FOXP2: variants seen among roughly 807,000 people sequenced by gnomAD.
FOXP2 encodes forkhead box protein P2.
Under a neutral mutation model 115.8 loss-of-function variants are expected in FOXP2, and 12 were observed. The observed-to-expected ratio is 0.10, with a 90% CI of 0.07 to 0.17. The LOEUF is 0.17. FOXP2 is among the 10% of genes least tolerant of loss of function. The pLI, the probability that FOXP2 is intolerant of heterozygous loss-of-function variation, is 1.00. For missense variants in FOXP2, 629 were observed against 843.5 expected (o/e 0.75, Z 3.15); for synonymous variants, 328 against 297.7 (o/e 1.10, Z -1.05).
At chr7:114,325,645 A>G (rs960322978) in intron 2 of FOXP2, among the ~76,000 whole-genome samples, 4 of 152,044 alleles carry the variant, frequency 2.6e-5, no homozygotes, top group Admixed American at 1.3e-4. Flanking sequence ...TGCTACCATT[A>G]TAATAAACAA....
intron 3 of FOXP2, among the ~76,000 whole-genome samples, chr7:114,581,214 G>A (rs1347670509): frequency 6.7e-6 from 1 of 149,956 alleles, no homozygotes; most frequent in African/African-American, 2.5e-5. Context: ...GATGCAGTCT[G>A]GCTCTGTCAC....
chr7:114,662,524 T>C (rs1389200464), intron 14 of FOXP2, among the ~76,000 whole-genome samples: 2 of 152,108 alleles, frequency 1.3e-5, no homozygotes, highest in African/African-American at 4.8e-5. Context: ...CAGTAGAAGC[T>C]AAAAGGCTTT....
chr7:114,088,199 G>GATT (rs1274040077), intron 1 of FOXP2: 2 of 150,380 alleles, frequency 1.3e-5, no homozygotes, highest in Non-Finnish European at 2.9e-5. Flanking sequence ...TGATCTTGAG[G>GATT]ATTATTCCTG....
At chr7:114,556,214 G>A (rs1444719292) in intron 3 of FOXP2, among the ~76,000 whole-genome samples, 1 of 152,160 alleles carries the variant, frequency 6.6e-6, no homozygotes, top group Non-Finnish European at 1.5e-5. Flanking sequence ...ATCAAAATGA[G>A]GAGGGGTAAG....
chr7:114,624,542 G>A (rs1483668655), intron 3 of FOXP2, among the ~76,000 whole-genome samples: 4 of 151,748 alleles, frequency 2.6e-5, no homozygotes, highest in Non-Finnish European at 4.4e-5. Context: ...ATTAAGGGAC[G>A]CACTTAATAT....
chr7:114,119,667 C>G (rs1210102406), intron 1 of FOXP2, among the ~76,000 whole-genome samples: 1 of 152,138 alleles, frequency 6.6e-6, no homozygotes, highest in East Asian at 1.9e-4. Flanking sequence ...GCCATGATTG[C>G]ACCACTGCAC....
chr7:114,346,899 GC>G (rs1275784642), intron 2 of FOXP2, among the ~76,000 whole-genome samples: 1 of 151,702 alleles, frequency 6.6e-6, no homozygotes, highest in Non-Finnish European at 1.5e-5. Context: ...TGGAAGAGAG[GC>G]TTTTGAAGGT....
intron 1 of FOXP2, among the ~76,000 whole-genome samples, chr7:114,198,183 T>C (rs1793962974): frequency 6.6e-6 from 1 of 152,158 alleles, no homozygotes; most frequent in Admixed American, 6.5e-5. Context: ...TTGTTATTCA[T>C]GTCAGCTGCC....
intron 2 of FOXP2, among the ~76,000 whole-genome samples, chr7:114,456,978 A>AAG (rs570064804): frequency 6.6e-6 from 1 of 152,098 alleles, no homozygotes. Flanking sequence ...AAAAAAGAAA[A>AAG]AGAGAGAGAG....
intron 3 of FOXP2, among the ~76,000 whole-genome samples, chr7:114,541,216 G>T (rs1403386624): frequency 6.6e-6 from 1 of 152,036 alleles, no homozygotes; most frequent in Admixed American, 6.6e-5. Flanking sequence ...GAGGGGTCAA[G>T]ACTAAAGAGA....
At chr7:114,497,394 T>C (rs1584810098) in intron 2 of FOXP2, among the ~76,000 whole-genome samples, 1 of 152,204 alleles carries the variant, frequency 6.6e-6, no homozygotes, top group Admixed American at 6.5e-5. Context: ...ACGCTTGTAA[T>C]CTGAGCACTT....
intron 3 of FOXP2, among the ~76,000 whole-genome samples, chr7:114,536,312 C>T (rs894963500): frequency 9.3e-5 from 14 of 151,300 alleles, no homozygotes; most frequent in African/African-American, 3.4e-4. Flanking sequence ...TTCTTCCTCT[C>T]CAAAGCTAAG....
intron 2 of FOXP2, among the ~76,000 whole-genome samples, chr7:114,465,673 A>G (rs917850129): frequency 1.3e-5 from 2 of 152,218 alleles, no homozygotes; most frequent in Admixed American, 6.5e-5. Flanking sequence ...GCAATTTCAG[A>G]TAGCCCAAAG....
chr7:114,338,557 G>A (rs1465821905), intron 2 of FOXP2, among the ~76,000 whole-genome samples: 1 of 150,906 alleles, frequency 6.6e-6, no homozygotes, highest in African/African-American at 2.4e-5. Context: ...CAGTACCAAT[G>A]TAAATGATAT....
intron 2 of FOXP2, among the ~76,000 whole-genome samples, chr7:114,493,108 A>G (rs1408240501): frequency 6.6e-6 from 1 of 152,178 alleles, no homozygotes; most frequent in Non-Finnish European, 1.5e-5. Flanking sequence ...TTGGGTGCGT[A>G]TACATTTAGG....
At chr7:114,352,881 T>G (rs1372462990) in intron 2 of FOXP2, among the ~76,000 whole-genome samples, 1 of 152,172 alleles carries the variant, frequency 6.6e-6, no homozygotes, top group African/African-American at 2.4e-5. Context: ...TACAGTGTTC[T>G]TCACAATATA....
chr7:114,311,063 G>C (rs1284650561), intron 2 of FOXP2, among the ~76,000 whole-genome samples: 3 of 152,116 alleles, frequency 2.0e-5, no homozygotes, highest in African/African-American at 7.2e-5. Flanking sequence ...GGAAGTTGCG[G>C]ATCACCAGTT....
chr7:114,190,027 A>G (rs1793715635), intron 1 of FOXP2, among the ~76,000 whole-genome samples: 1 of 152,196 alleles, frequency 6.6e-6, no homozygotes, highest in Admixed American at 6.5e-5. Context: ...CACTTGATGC[A>G]TTCTAGCATT....
intron 16 of FOXP2, among the ~76,000 whole-genome samples, chr7:114,685,774 A>G (rs560364790): frequency 2.6e-5 from 4 of 152,290 alleles, no homozygotes; most frequent in African/African-American, 4.8e-5. Context: ...TACTTTTCTT[A>G]TATCTGTGAT....
Sources: allele counts gnomAD v4.1 joint callset (sites outside exome capture counted in the v4.1 genomes callset), GRCh38; gene constraint gnomAD v4.1.1; transcripts MANE v1.5; gene names NCBI Gene and HGNC (gene_info 2026-07-23, HGNC 2026-07-21).